HSPA12A: variants seen among roughly 807,000 people sequenced by gnomAD.
HSPA12A encodes heat shock protein family A (Hsp70) member 12A.
Under a neutral mutation model 69.2 loss-of-function variants are expected in HSPA12A, and 28 were observed. That is an observed-to-expected ratio of 0.40 (90% confidence interval 0.30 to 0.55). HSPA12A has a LOEUF of 0.55. Ranked by LOEUF, HSPA12A falls within the 20% of genes least tolerant of loss-of-function variation. The probability of loss-of-function intolerance (pLI) is 0.38; values close to 1 mark genes in which losing one functional copy is unlikely to be tolerated. For missense variants in HSPA12A, 686 were observed against 900.7 expected, an observed-to-expected ratio of 0.76 and a Z score of 3.05; for synonymous variants, 345 against 370.5, an observed-to-expected ratio of 0.93 and a Z score of 0.79.
intron 4 of HSPA12A, among the ~76,000 whole-genome samples, chr10:116,700,348 G>A (rs1850045584): frequency 6.6e-6 from 1 of 152,218 alleles, no homozygotes; most frequent in African/African-American, 2.4e-5. Flanking sequence ...GGCAGGGGGT[G>A]CCTGTTTGAT....
At chr10:116,809,799 G>C (rs1845139125) in intron 2 of HSPA12A, among the ~76,000 whole-genome samples, 1 of 152,226 alleles carries the variant, frequency 6.6e-6, no homozygotes, top group African/African-American at 2.4e-5. Context: ...GATTCAAAAA[G>C]ACAGATGTTG....
chr10:116,795,677 C>A (rs1844803615), intron 2 of HSPA12A, among the ~76,000 whole-genome samples: 1 of 56,622 alleles, frequency 1.8e-5, no homozygotes. Flanking sequence ...CAGTGAGATT[C>A]TGTCTCAAAA....
upstream of HSPA12A, chr10:116,850,030 C>A: frequency 1.8e-6 from 1 of 558,834 alleles, no homozygotes; most frequent in Non-Finnish European, 3.2e-6. Flanking sequence ...GCCTAAGAGG[C>A]CTCTCCGTTT....
At chr10:116,793,306 C>A (rs1332677211) in intron 2 of HSPA12A, among the ~76,000 whole-genome samples, 1 of 152,232 alleles carries the variant, frequency 6.6e-6, no homozygotes, top group Admixed American at 6.5e-5. Context: ...CACAGTGGCT[C>A]ACGCCTGTAA....
At chr10:116,842,794 G>C (rs915779188) in intron 1 of HSPA12A, among the ~76,000 whole-genome samples, 2 of 151,966 alleles carry the variant, frequency 1.3e-5, no homozygotes, top group Non-Finnish European at 2.9e-5. Flanking sequence ...ATAAAGTCGG[G>C]GTTTCACCAT....
intron 1 of HSPA12A, among the ~76,000 whole-genome samples, chr10:116,724,264 T>G (rs529096510): frequency 6.6e-6 from 1 of 152,314 alleles, no homozygotes; most frequent in Admixed American, 6.5e-5. Context: ...CACCACTCTC[T>G]CCCCATGGGA....
chr10:116,780,284 G>A (rs1444717665), intron 2 of HSPA12A, among the ~76,000 whole-genome samples: 5 of 152,006 alleles, frequency 3.3e-5, no homozygotes, highest in East Asian at 1.9e-4. Context: ...TGGACTCTTC[G>A]GTCACCTGAG....
At chr10:116,740,676 CTGTGTGTGTGTGTGT>C (rs1851468765) in intron 1 of HSPA12A, among the ~76,000 whole-genome samples, 6 of 92,164 alleles carry the variant, frequency 6.5e-5, no homozygotes, top group Non-Finnish European at 2.4e-5. Context: ...GTGTGTGTGT[CTGTGTGTGTGTGTGT>C]GTGTGCGTGT....
chr10:116,831,845 A>G (rs1166063315), intron 2 of HSPA12A: 1 of 152,212 alleles, frequency 6.6e-6, no homozygotes, highest in Non-Finnish European at 1.5e-5. Flanking sequence ...CCTAACCACG[A>G]GGAAAATCTT....
At position 116,723,872 on chromosome 10, in the gene HSPA12A, G is replaced by A. The variant is rs578006946; in HGVS notation, c.41-16587C>T. Among the ~76,000 whole-genome samples, 13 of 152,284 alleles carry A rather than the reference G, an allele frequency of 8.5e-5. No individual in the cohort carries two copies. Among genetic ancestry groups the A allele is most frequent in the Admixed American group, 2.0e-4 (3 of 15,300 alleles). On this transcript the variant is annotated intron_variant, in intron 1 of 11. Transcript: ENST00000369209. The surrounding 1 kb of genome is among the most constrained non-coding windows in gnomAD (Gnocchi z 4.1). ...TCCAGGCCCATCTACCATCTTGCCCGATGCCCACCTGAGGGCCCCTGACCA... is the reference window on the plus strand; with the variant it reads ...TCCAGGCCCATCTACCATCTTGCCCAATGCCCACCTGAGGGCCCCTGACCA...
At position 116,721,817 on chromosome 10, in the gene HSPA12A, C is replaced by T. The variant is rs528919574; in HGVS notation, c.41-14532G>A. Among the ~76,000 whole-genome samples the T allele has an allele frequency of 1.9e-4, 29 of 152,312 alleles. No homozygotes were observed. The South Asian group carries it at 2.1e-3, about 11-fold the overall frequency. ...TGGGAGGCCGTGCAGATGGCCCCAG[C>T]TGCCATAATATTCACACTCATCATC... On this transcript the variant is annotated intron_variant, in intron 1 of 11. Coordinates refer to ENST00000369209, the MANE Select transcript of HSPA12A (RefSeq NM_025015.3).
Position 116,784,010 on chromosome 10 carries a change from T to C in HSPA12A, c.91+50925A>G, listed in dbSNP as rs1320543174. ...TGAGCCACCATGCCCAGCCCATTTA[T>C]GGTTTTTAAAATTACATAATTACAT... is the stretch of plus-strand genomic sequence containing the variant. On this transcript the variant is annotated intron_variant, in intron 2 of 12. Transcript: ENST00000635765. 3.9e-5 allele frequency among the ~76,000 whole-genome samples: 6 copies of C among 152,352 alleles called. No homozygotes were observed. The South Asian group carries it at 6.2e-4, about 16-fold the overall frequency.
chr10:116,778,301 A>AT (rs1434077449), intron 2 of HSPA12A, among the ~76,000 whole-genome samples: 1 of 152,236 alleles, frequency 6.6e-6, no homozygotes, highest in Non-Finnish European at 1.5e-5. Context: ...AATGCAGTTA[A>AT]TTCACCAAAG....
At chr10:116,730,449 C>T (rs1313620865) in intron 1 of HSPA12A, among the ~76,000 whole-genome samples, 1 of 152,226 alleles carries the variant, frequency 6.6e-6, no homozygotes, top group Non-Finnish European at 1.5e-5. Context: ...CCAACACTAG[C>T]TCCCAGGCAT....
rs536391338 is a variant in HSPA12A at position 116,769,897 on chromosome 10, C to G, written c.92-62612G>C. Among the ~76,000 whole-genome samples, 5 of 152,156 alleles carry G rather than the reference C, an allele frequency of 3.3e-5. No homozygotes were observed. The East Asian group carries it at 9.7e-4, about 29-fold the overall frequency. ...AAGACATTTGCTCAAGTGCAGGCCT[C>G]GGCTCCTTGTGCTTAAAATTCTTTC... On this transcript the variant is annotated intron_variant, in intron 2 of 12. Transcript: ENST00000635765.
intron 2 of HSPA12A, among the ~76,000 whole-genome samples, chr10:116,808,151 G>A (rs2133178492): frequency 6.6e-6 from 1 of 152,282 alleles, no homozygotes; most frequent in Admixed American, 6.5e-5. Flanking sequence ...AGGGCTTTTG[G>A]AGGAATATAG....
chr10:116,804,610 TC>T (rs1446285393), intron 2 of HSPA12A, among the ~76,000 whole-genome samples: 1 of 152,160 alleles, frequency 6.6e-6, no homozygotes, highest in East Asian at 1.9e-4. Context: ...GAGGAAATGT[TC>T]CTGCGTGTTC....
At chr10:116,790,570 C>G (rs1196367111) in intron 2 of HSPA12A, among the ~76,000 whole-genome samples, 1 of 152,196 alleles carries the variant, frequency 6.6e-6, no homozygotes, top group African/African-American at 2.4e-5. Context: ...ACTCACAAGC[C>G]TCTTTCCCTG....
Position 116,742,485 on chromosome 10 carries a change from G to T in HSPA12A, c.-16C>A. ...TGTCCGCCATGGTCGCGCAGCCCCG[G>T]ACCGCGAGGGGAGCCTCCAGCGCAG... On this transcript the variant is annotated 5_prime_UTR_variant, in exon 1 of 12. Transcript: ENST00000369209. The T allele has an allele frequency of 7.4e-7, 1 of 1,345,566 alleles. No homozygotes were observed. The highest frequency in any genetic ancestry group is 1.7e-5 in the South Asian group (1 of 60,312). The allele number at this position is 1,345,566 out of a possible 1,614,324, so 83.4% of individuals were successfully genotyped here.
Sources: gnomAD v4.1 joint callset for allele counts (sites outside exome capture counted in the v4.1 genomes callset) on GRCh38, gnomAD v4.1.1 for gene constraint, Gnocchi (gnomAD v3.1) non-coding constraint, MANE v1.5 for transcripts, NCBI Gene and HGNC (gene_info 2026-07-23, HGNC 2026-07-21) for gene names.